PCDHGA12: variants seen among roughly 807,000 people sequenced by gnomAD.
The protein encoded by PCDHGA12 is protocadherin gamma-A12.
A neutral mutation model predicts 61.1 loss-of-function variants in PCDHGA12; 43 were observed. That is an observed-to-expected ratio of 0.70 (90% CI 0.55 to 0.91). PCDHGA12 has a LOEUF of 0.91. PCDHGA12 is among the 40% of genes least tolerant of loss of function. The pLI is 0.00. For synonymous variants in PCDHGA12, 520 were observed against 542.9 expected (o/e 0.96, Z 0.59); for missense variants, 1,236 against 1,227.7 (o/e 1.01, Z -0.10).
At chr5:141,464,982 T>A (rs914697541) in intron 1 of PCDHGA12, among the ~76,000 whole-genome samples, 1 of 152,030 alleles carries the variant, frequency 6.6e-6, no homozygotes, top group Non-Finnish European at 1.5e-5. Context: ...CTTCAAGTGA[T>A]CCTCCCACCT....
intron 1 of PCDHGA12, among the ~76,000 whole-genome samples, chr5:141,434,463 G>A (rs967685246): frequency 5.9e-5 from 9 of 152,192 alleles, no homozygotes; most frequent in Admixed American, 1.3e-4. Flanking sequence ...TGGGTTTACC[G>A]GAATGAGGGC....
At position 141,512,045 on chromosome 5, in the gene PCDHGA12, C is replaced by T. The variant is rs568357347; in HGVS notation, c.*872C>T. On this transcript the variant is annotated 3_prime_UTR_variant, in exon 4 of 4. Transcript: ENST00000252085. ...GGCCTTGGAGGAGGCTCTGTATGTC[C>T]TCAGGGGACTGACAACATCCTCCAG... The T allele has an allele frequency of 1.5e-3, 224 of 152,846 alleles. 2 individuals are homozygous for T. The highest frequency in any genetic ancestry group is 4.6e-4 in the Non-Finnish European group (31 of 68,130). The allele number at this position is 152,846 out of a possible 1,614,324, so 9.5% of individuals were successfully genotyped here. A position where few individuals can be genotyped will look rare whatever the true frequency, so the allele number is the denominator to read the frequency against.
intron 2 of PCDHGA12, among the ~76,000 whole-genome samples, chr5:141,500,027 G>C (rs1458308566): frequency 6.6e-6 from 1 of 151,808 alleles, no homozygotes; most frequent in Non-Finnish European, 1.5e-5. Flanking sequence ...ATATTTGAGT[G>C]AGTGTCTCTT....
At position 141,431,871 on chromosome 5, in the gene PCDHGA12, T is replaced by C; in HGVS notation, c.1112T>C (p.Val371Ala). The C allele has an allele frequency of 1.9e-6, 3 of 1,614,234 alleles. No homozygotes were observed. The highest frequency in any genetic ancestry group is 2.5e-6 in the Non-Finnish European group (3 of 1,180,032). The stretch of plus-strand genomic sequence containing the variant: ...GGGACATTAATTGCCCTTTTAAATG[T>C]AAATGACCAAGATTCTGAGGAAAAC... ...PRGTLIALLN[V>A]NDQDSEENGQ... Residue 371 changes from valine (V) to alanine (A), a missense_variant, in exon 1 of 4, where the codon GTA becomes GCA. Coordinates refer to ENST00000252085, the MANE Select transcript of PCDHGA12 (RefSeq NM_003735.3). The surrounding 1 kb of genome is among the most constrained non-coding windows in gnomAD (Gnocchi z 4.8).
Position 141,490,457 on chromosome 5 carries a change from T to C in PCDHGA12, c.2425-4350T>C. 1 of 1,614,214 alleles carries C rather than the reference T, an allele frequency of 6.2e-7. No homozygotes were observed. Among genetic ancestry groups the C allele is most frequent in the Non-Finnish European group, 8.5e-7 (1 of 1,180,042 alleles). ...AAGCCTTCTGAGAACCACTACTCGC[T>C]GCTAACCAGCCAGCCTTTGGACCGG... On this transcript the variant is annotated intron_variant, in intron 1 of 3. Coordinates refer to ENST00000252085, the MANE Select transcript of PCDHGA12 (RefSeq NM_003735.3). The surrounding 1 kb of genome is among the most constrained non-coding windows in gnomAD (Gnocchi z 5.4).
chr5:141,457,279 G>A (rs948609305), intron 1 of PCDHGA12, among the ~76,000 whole-genome samples: 2 of 152,190 alleles, frequency 1.3e-5, no homozygotes, highest in African/African-American at 4.8e-5. Flanking sequence ...GTGGGCCTAC[G>A]AAGTTCCTTG....
chr5:141,460,505 A>T (rs1430823912), intron 1 of PCDHGA12, among the ~76,000 whole-genome samples: 1 of 152,150 alleles, frequency 6.6e-6, no homozygotes, highest in Non-Finnish European at 1.5e-5. Context: ...ATATGCTGAG[A>T]AGGCTATCTT....
At chr5:141,452,227 T>C (rs2098736376) in intron 1 of PCDHGA12, among the ~76,000 whole-genome samples, 1 of 152,232 alleles carries the variant, frequency 6.6e-6, no homozygotes, top group African/African-American at 2.4e-5. Context: ...CTCTTCAAGC[T>C]GGTTCTTGTG....
chr5:141,490,196 A>G lies in PCDHGA12; in HGVS notation c.2425-4611A>G, dbSNP rs748858034. On this transcript the variant is annotated intron_variant, in intron 1 of 3. Coordinates refer to ENST00000252085, the MANE Select transcript of PCDHGA12 (RefSeq NM_003735.3). The surrounding 1 kb of genome is among the most constrained non-coding windows in gnomAD (Gnocchi z 5.4). ...GAGGAGTCACGTTTCTATGAAATTCATGCAAGAGCCCGTGACCAGGGACAG... is the reference window on the plus strand; with the variant it reads ...GAGGAGTCACGTTTCTATGAAATTCGTGCAAGAGCCCGTGACCAGGGACAG... The G allele has an allele frequency of 3.7e-6, 6 of 1,614,196 alleles. No individual in the cohort carries two copies. The highest frequency in any genetic ancestry group is 4.2e-6 in the Non-Finnish European group (5 of 1,180,020).
intron 1 of PCDHGA12, among the ~76,000 whole-genome samples, chr5:141,480,615 AT>A (rs1279544819): frequency 2.0e-5 from 3 of 152,218 alleles, no homozygotes; most frequent in African/African-American, 7.2e-5. Context: ...AGCAACTGGC[AT>A]TTTCCCTAGA....
intron 1 of PCDHGA12, among the ~76,000 whole-genome samples, chr5:141,480,451 T>G (rs2099519323): frequency 6.6e-6 from 1 of 152,136 alleles, no homozygotes; most frequent in African/African-American, 2.4e-5. Flanking sequence ...ATAATTATTT[T>G]TATTAGTTCC....
chr5:141,454,956 G>A (rs62379171), intron 1 of PCDHGA12, among the ~76,000 whole-genome samples: 5,077 of 149,940 alleles, frequency 0.034, 97 homozygotes, highest in Middle Eastern at 0.091. Context: ...TACAGGCGCC[G>A]GCCACCACGC....
chr5:141,441,103 A>C (rs2098225469), intron 1 of PCDHGA12: 1 of 152,198 alleles, frequency 6.6e-6, no homozygotes, highest in Non-Finnish European at 1.5e-5. Flanking sequence ...AGAGGGACTC[A>C]TTGTCCAGTG....
At chr5:141,454,131 G>A (rs754465889) in intron 1 of PCDHGA12, among the ~76,000 whole-genome samples, 2 of 152,334 alleles carry the variant, frequency 1.3e-5, no homozygotes, top group South Asian at 2.1e-4. Flanking sequence ...AGCTGACCAT[G>A]GGAATGTTCA....
chr5:141,451,205 C>G (rs1023049434), intron 1 of PCDHGA12, among the ~76,000 whole-genome samples: 2 of 152,142 alleles, frequency 1.3e-5, no homozygotes, highest in African/African-American at 4.8e-5. Flanking sequence ...TATCCCAAAA[C>G]TTAGTGGCTT....
rs1257933448 is a variant in PCDHGA12, at chr5:141,490,285, G to C, written c.2425-4522G>C. 3 of 1,614,106 alleles carry C rather than the reference G, an allele frequency of 1.9e-6. No homozygotes were observed. In the African/African-American group the frequency reaches 4.0e-5, roughly 22 times the overall value. On this transcript the variant is annotated intron_variant, in intron 1 of 3. Coordinates refer to ENST00000252085, the MANE Select transcript of PCDHGA12 (RefSeq NM_003735.3). This position sits in a 1 kb window ranked among gnomAD's most constrained non-coding sequence, Gnocchi z 5.4. ...GGGGGATGTCAATGACAATGCCCCAGAGGTGCTATTGGCCTCTTTGGCCAA... is the reference window on the plus strand; with the variant it reads ...GGGGGATGTCAATGACAATGCCCCACAGGTGCTATTGGCCTCTTTGGCCAA...
intron 1 of PCDHGA12, among the ~76,000 whole-genome samples, chr5:141,494,039 G>A (rs901795348): frequency 2.0e-5 from 3 of 152,144 alleles, no homozygotes; most frequent in Non-Finnish European, 4.4e-5. Context: ...GACTTAGTTG[G>A]CCCTGCTTGG....
chr5:141,486,379 G>A lies in PCDHGA12; in HGVS notation c.2425-8428G>A. 2 of 1,614,094 alleles carry A rather than the reference G, an allele frequency of 1.2e-6. No individual in the cohort carries two copies. Among genetic ancestry groups the A allele is most frequent in the Non-Finnish European group, 1.7e-6 (2 of 1,180,000 alleles). ...CATTTGCCCTCAAGTCTGCCTTCAG[G>A]AACCAGTTCTCCCTGGTGACTGCTG... On this transcript the variant is annotated intron_variant, in intron 1 of 3. Transcript: ENST00000252085. The surrounding 1 kb of genome is among the most constrained non-coding windows in gnomAD (Gnocchi z 5.0).
chr5:141,478,801 T>G (rs2099477985), intron 1 of PCDHGA12: 1 of 1,463,438 alleles, frequency 6.8e-7, no homozygotes, highest in African/African-American at 1.4e-5. Flanking sequence ...TCAGCACTCT[T>G]TTGCTATCAC....
Sources: allele counts gnomAD v4.1 joint callset (sites outside exome capture counted in the v4.1 genomes callset), GRCh38; gene constraint gnomAD v4.1.1; non-coding constraint Gnocchi (gnomAD v3.1); transcripts MANE v1.5; gene names NCBI Gene and HGNC (gene_info 2026-07-23, HGNC 2026-07-21).